Variants in MSRA observed in about 807,000 individuals in gnomAD.
MSRA encodes mitochondrial peptide methionine sulfoxide reductase.
Under a neutral mutation model 31.3 loss-of-function variants are expected in MSRA, and 54 were observed. The ratio of observed to expected loss-of-function variants is 1.73; its 90% CI spans 1.39 to 2.17. The LOEUF is 2.17. Among genes scored for constraint, MSRA ranks in the 30% most tolerant of loss-of-function variants. MSRA has a pLI of 0.00. For missense variants in MSRA, 507 were observed against 300.9 expected (o/e 1.69, Z -5.07); for synonymous variants, 169 against 116.5 (o/e 1.45, Z -2.90).
intron 1 of MSRA, among the ~76,000 whole-genome samples, chr8:10,122,062 ACT>A (rs902746908): frequency 3.3e-5 from 5 of 151,820 alleles, no homozygotes; most frequent in Non-Finnish European, 5.9e-5. Flanking sequence ...CGGTCCTGTA[ACT>A]CTTCAGGGAA....
intron 2 of MSRA, among the ~76,000 whole-genome samples, chr8:10,231,857 T>A (rs1472641678): frequency 6.6e-6 from 1 of 152,072 alleles, no homozygotes; most frequent in Non-Finnish European, 1.5e-5. Context: ...GATCCAAGAT[T>A]GCATCACTGC....
intron 1 of MSRA, among the ~76,000 whole-genome samples, chr8:10,085,400 T>C (rs939859763): frequency 1.2e-4 from 18 of 152,306 alleles, no homozygotes; most frequent in African/African-American, 3.4e-4. Flanking sequence ...GCCTATTGTG[T>C]GTATTTGGCA....
In MSRA at chr8:10,132,248, C is replaced by A. The variant is rs529310598; in HGVS notation, c.143-75585C>A. Among the ~76,000 whole-genome samples the A allele has an allele frequency of 4.6e-5, 7 of 152,314 alleles. No homozygotes were observed. The South Asian group carries it at 1.5e-3, about 32-fold the overall frequency. On this transcript the variant is annotated intron_variant, in intron 1 of 5. Coordinates refer to ENST00000317173, the MANE Select transcript of MSRA (RefSeq NM_012331.5). ...CTTTCACAAAAAAAGTTTGGACTTT[C>A]AGATGACTTATTTGACATTAGCAAT...
At chr8:10,269,667 T>C (rs927144722) in intron 3 of MSRA, among the ~76,000 whole-genome samples, 1 of 152,206 alleles carries the variant, frequency 6.6e-6, no homozygotes, top group Admixed American at 6.5e-5. Flanking sequence ...TTTTTGTTTT[T>C]TGAGACAGAG....
chr8:10,293,244 A>G (rs1261577447), intron 3 of MSRA, among the ~76,000 whole-genome samples: 2 of 152,086 alleles, frequency 1.3e-5, no homozygotes, highest in African/African-American at 4.8e-5. Context: ...CATCCCTATG[A>G]TGGGCCAGCT....
intron 2 of MSRA, among the ~76,000 whole-genome samples, chr8:10,242,812 CA>C (rs1449085690): frequency 1.3e-5 from 2 of 152,134 alleles, no homozygotes; most frequent in African/African-American, 4.8e-5. Context: ...AATGTTGCTT[CA>C]TGGAGTTTTA....
At chr8:10,378,439 TCA>T (rs1805872782) in intron 5 of MSRA, among the ~76,000 whole-genome samples, 1 of 152,192 alleles carries the variant, frequency 6.6e-6, no homozygotes, top group Admixed American at 6.5e-5. Context: ...GTGATAATTC[TCA>T]GTCTCTGTGA....
intron 3 of MSRA, among the ~76,000 whole-genome samples, chr8:10,259,173 G>A (rs1798338287): frequency 6.6e-6 from 1 of 151,838 alleles, no homozygotes; most frequent in South Asian, 2.1e-4. Context: ...ATCTATTGAA[G>A]TTCTCAATGC....
At chr8:10,273,020 G>C (rs1187336901) in intron 3 of MSRA, among the ~76,000 whole-genome samples, 1 of 152,098 alleles carries the variant, frequency 6.6e-6, no homozygotes, top group Non-Finnish European at 1.5e-5. Flanking sequence ...GAAGAGTGAT[G>C]GTTTGTGAAA....
intron 2 of MSRA, among the ~76,000 whole-genome samples, chr8:10,233,394 T>C (rs867977473): frequency 2.0e-5 from 3 of 152,200 alleles, no homozygotes; most frequent in Non-Finnish European, 2.9e-5. Context: ...GAAATATAAA[T>C]TGACTCGAGT....
chr8:10,259,936 C>G (rs1268481741), intron 3 of MSRA, among the ~76,000 whole-genome samples: 1 of 152,258 alleles, frequency 6.6e-6, no homozygotes, highest in Non-Finnish European at 1.5e-5. Flanking sequence ...TTCTGCTGTT[C>G]ACAGTCCTGA....
At chr8:10,365,086 A>T (rs1230350669) in intron 5 of MSRA, among the ~76,000 whole-genome samples, 1 of 150,276 alleles carries the variant, frequency 6.7e-6, no homozygotes, top group African/African-American at 2.5e-5. Flanking sequence ...AAGCAAAATT[A>T]GAAGCTTTTC....
At position 10,207,781 on chromosome 8, in the gene MSRA, T is replaced by C; in HGVS notation, c.143-52T>C. On this transcript the variant is annotated intron_variant, in intron 1 of 5. Transcript: ENST00000317173. Reference sequence around the variant, plus strand: ...TGACACATTTAATGACATGTGTTAGTATGTGTTAGAACTTTACACTTAAAC... The same window carrying C: ...TGACACATTTAATGACATGTGTTAGCATGTGTTAGAACTTTACACTTAAAC... 5 of 1,507,222 alleles carry C rather than the reference T, an allele frequency of 3.3e-6. No individual in the cohort carries two copies. The South Asian group carries it at 4.8e-5, about 14-fold the overall frequency. The allele number at this position is 1,507,222 out of a possible 1,614,324, so 93.4% of individuals were successfully genotyped here. A position where few individuals can be genotyped will look rare whatever the true frequency, so the allele number is the denominator to read the frequency against.
At chr8:10,158,388 C>T (rs982774694) in intron 1 of MSRA, among the ~76,000 whole-genome samples, 1 of 152,220 alleles carries the variant, frequency 6.6e-6, no homozygotes, top group East Asian at 1.9e-4. Flanking sequence ...CTTCCCAACA[C>T]TCCCCCAGCT....
intron 3 of MSRA, among the ~76,000 whole-genome samples, chr8:10,297,128 C>T (rs1162558129): frequency 6.6e-6 from 1 of 152,160 alleles, no homozygotes; most frequent in Non-Finnish European, 1.5e-5. Flanking sequence ...ACTTAGCTTC[C>T]ATGTAGCTAG....
At chr8:10,216,878 CT>C (rs1810044349) in intron 2 of MSRA, among the ~76,000 whole-genome samples, 2 of 152,222 alleles carry the variant, frequency 1.3e-5, no homozygotes, top group Admixed American at 1.3e-4. Context: ...GTGTACAGAT[CT>C]CTCTTCAAGT....
At chr8:10,327,679 ATCCCAGCACTTTGGGAAGCCAAGGCAG>A (rs1802440176) in intron 5 of MSRA, among the ~76,000 whole-genome samples, 1 of 152,150 alleles carries the variant, frequency 6.6e-6, no homozygotes, top group African/African-American at 2.4e-5. Context: ...CACGCCTGTA[ATCCCAGCACTTTGGGAAGCCAAGGCAG>A]GTGGATCATA....
chr8:10,258,183 G>A (rs1474031272), intron 3 of MSRA, among the ~76,000 whole-genome samples: 1 of 152,158 alleles, frequency 6.6e-6, no homozygotes, highest in Admixed American at 6.5e-5. Flanking sequence ...TAATTAGTAA[G>A]CGGCAGAGCC....
At chr8:10,104,534 A>T (rs981623202) in intron 1 of MSRA, among the ~76,000 whole-genome samples, 1 of 152,166 alleles carries the variant, frequency 6.6e-6, no homozygotes, top group South Asian at 2.1e-4. Context: ...AAAAATTTTG[A>T]TTGGCGACTG....
Sources: gnomAD v4.1 joint callset for allele counts (sites outside exome capture counted in the v4.1 genomes callset) on GRCh38, gnomAD v4.1.1 for gene constraint, MANE v1.5 for transcripts, NCBI Gene and HGNC (gene_info 2026-07-23, HGNC 2026-07-21) for gene names.